Variants in ZNF536 observed in about 807,000 individuals in gnomAD.
ZNF536 encodes the protein zinc finger protein 536.
A neutral mutation model predicts 84.5 loss-of-function variants in ZNF536; 13 were observed. That is an observed-to-expected ratio of 0.15 (90% CI 0.10 to 0.24). The LOEUF is 0.24. Ranked by LOEUF, ZNF536 falls within the 10% of genes least tolerant of loss-of-function variation. The pLI is 1.00. For missense variants in ZNF536, 1,536 were observed against 1,747.5 expected, an observed-to-expected ratio of 0.88 and a Z score of 2.16; for synonymous variants, 811 against 742.5, an observed-to-expected ratio of 1.09 and a Z score of -1.50.
At chr19:30,590,488 T>C (rs2047239667) in intron 1 of ZNF536, among the ~76,000 whole-genome samples, 1 of 152,220 alleles carries the variant, frequency 6.6e-6, no homozygotes, top group African/African-American at 2.4e-5. Context: ...CTTTCCTTTG[T>C]TTGGGGAAAG....
chr19:30,571,162 C>T (rs1230168700), intron 1 of ZNF536, among the ~76,000 whole-genome samples: 1 of 152,030 alleles, frequency 6.6e-6, no homozygotes, highest in East Asian at 1.9e-4. Flanking sequence ...TTAAGAAGCA[C>T]TGTGGGTACT....
At chr19:30,647,830 C>T (rs1600141598) in intron 1 of ZNF536, among the ~76,000 whole-genome samples, 1 of 152,236 alleles carries the variant, frequency 6.6e-6, no homozygotes, top group East Asian at 1.9e-4. Flanking sequence ...TTTGGATGCC[C>T]CCAGCTGTCC....
chr19:30,440,679 G>T (rs538007940), intron 1 of ZNF536, among the ~76,000 whole-genome samples: 1 of 152,298 alleles, frequency 6.6e-6, no homozygotes, highest in South Asian at 2.1e-4. Flanking sequence ...AGGGGCTGGG[G>T]TGTCAGCCTC....
intron 1 of ZNF536, among the ~76,000 whole-genome samples, chr19:30,402,701 C>A (rs946076365): frequency 2.0e-5 from 3 of 150,326 alleles, no homozygotes; most frequent in Non-Finnish European, 3.0e-5. Flanking sequence ...ACTGCCGCCT[C>A]CAGAGCATCT....
intron 1 of ZNF536, among the ~76,000 whole-genome samples, chr19:30,582,756 A>G (rs1476097650): frequency 2.0e-5 from 3 of 152,140 alleles, no homozygotes; most frequent in Non-Finnish European, 4.4e-5. Context: ...AGGGAATGAC[A>G]GCCAAGTGGA....
intron 3 of ZNF536, among the ~76,000 whole-genome samples, chr19:30,535,576 G>C (rs902451001): frequency 2.0e-5 from 3 of 152,086 alleles, no homozygotes; most frequent in African/African-American, 4.8e-5. Context: ...TTAGGCAAAG[G>C]GGGGCAAGTG....
intron 2 of ZNF536, among the ~76,000 whole-genome samples, chr19:30,478,927 C>T (rs2053961358): frequency 6.6e-6 from 1 of 152,184 alleles, no homozygotes; most frequent in South Asian, 2.1e-4. Flanking sequence ...GAAACTCATC[C>T]TTCCGAGGCC....
intron 1 of ZNF536, among the ~76,000 whole-genome samples, chr19:30,675,465 A>C (rs181558490): frequency 2.6e-5 from 4 of 152,316 alleles, no homozygotes; most frequent in Admixed American, 2.6e-4. Flanking sequence ...TCCTACTCTC[A>C]GGGCAACTTT....
At chr19:30,389,360 T>A (rs537856235) in intron 1 of ZNF536, among the ~76,000 whole-genome samples, 25 of 152,126 alleles carry the variant, frequency 1.6e-4, no homozygotes, top group African/African-American at 6.0e-4. Flanking sequence ...CCTTGAAAAA[T>A]CTAGCGACCA....
intron 2 of ZNF536, among the ~76,000 whole-genome samples, chr19:30,342,038 A>G (rs1270889488): frequency 6.6e-6 from 1 of 152,240 alleles, no homozygotes; most frequent in East Asian, 1.9e-4. Context: ...GCCTGGAAAC[A>G]GATTTCAGTT....
intron 1 of ZNF536, among the ~76,000 whole-genome samples, chr19:30,417,155 T>A (rs965972494): frequency 3.4e-5 from 2 of 58,434 alleles, no homozygotes; most frequent in South Asian, 2.3e-3. Flanking sequence ...TGTATTTTTT[T>A]TTTTTTTTTT....
At position 30,445,040 on chromosome 19, in the gene ZNF536, A is replaced by G. The variant is rs2052252702; in HGVS notation, c.1478A>G (p.Asn493Ser). 4.3e-6 allele frequency: 7 copies of G among 1,613,362 alleles called. No homozygotes were observed. The highest frequency in any genetic ancestry group is 3.3e-5 in the Admixed American group (2 of 60,020). ...AAGCACTCCCTCCTGGGATGCCTCAATCTCGTGCCGCCGCTGAAATCCAGC... is the reference window on the plus strand; with the variant it reads ...AAGCACTCCCTCCTGGGATGCCTCAGTCTCGTGCCGCCGCTGAAATCCAGC... ...GDKHSLLGCL[N>S]LVPPLKSSCI... Residue 493 changes from asparagine (N) to serine (S), a missense_variant, in exon 2 of 5, where the codon AAT (asparagine) becomes AGT (serine). Physicochemically the swap from Asn to Ser is conservative, Grantham distance 46. Around this residue, in one of 8 missense-constraint regions of ZNF536, gnomAD observed 366 missense variants for 364.4 expected, o/e 1.00. Coordinates refer to ENST00000355537, the MANE Select transcript of ZNF536 (RefSeq NM_014717.3). This position sits in a 1 kb window ranked among gnomAD's most constrained non-coding sequence, Gnocchi z 4.5.
At chr19:30,509,237 C>T (rs1478209806) in intron 2 of ZNF536, among the ~76,000 whole-genome samples, 1 of 144,268 alleles carries the variant, frequency 6.9e-6, no homozygotes, top group Non-Finnish European at 1.5e-5. Context: ...ATAATGTATA[C>T]AATATGTATA....
intron 1 of ZNF536, among the ~76,000 whole-genome samples, chr19:30,272,613 C>T (rs1176297878): frequency 6.6e-6 from 1 of 152,202 alleles, no homozygotes; most frequent in Non-Finnish European, 1.5e-5. Context: ...GGTCTTTTTC[C>T]TGTCTCCCTT....
chr19:30,375,156 G>C (rs1227082157), intron 1 of ZNF536, among the ~76,000 whole-genome samples: 3 of 150,158 alleles, frequency 2.0e-5, no homozygotes, highest in African/African-American at 7.3e-5. Context: ...GCAGGAACGC[G>C]AGCCCCGCCG....
At chr19:30,237,626 G>A (rs139747125) in intron 1 of ZNF536, among the ~76,000 whole-genome samples, 46 of 152,268 alleles carry the variant, frequency 3.0e-4, no homozygotes, top group African/African-American at 1.1e-3. Flanking sequence ...AGGAAACTTT[G>A]TGTATCTTTT....
intron 1 of ZNF536, among the ~76,000 whole-genome samples, chr19:30,695,920 C>T (rs889424322): frequency 3.3e-5 from 5 of 152,052 alleles, no homozygotes; most frequent in Non-Finnish European, 5.9e-5. Flanking sequence ...TGTGTTTAGC[C>T]CAATGTTCCT....
chr19:30,543,429 C>T (rs1030367252), intron 3 of ZNF536, among the ~76,000 whole-genome samples: 11 of 152,200 alleles, frequency 7.2e-5, no homozygotes, highest in African/African-American at 2.7e-4. Context: ...CTGGGGCTGC[C>T]TGTACCATGG....
chr19:30,396,059 T>G (rs2049802718), intron 1 of ZNF536, among the ~76,000 whole-genome samples: 1 of 152,210 alleles, frequency 6.6e-6, no homozygotes, highest in Non-Finnish European at 1.5e-5. Flanking sequence ...TATCATGACA[T>G]GTATCCACCA....
Sources: gnomAD v4.1 joint callset for allele counts (sites outside exome capture counted in the v4.1 genomes callset) on GRCh38, gnomAD v4.1.1 for gene constraint, gnomAD v4.1.1 regional missense constraint, Gnocchi (gnomAD v3.1) non-coding constraint, MANE v1.5 for transcripts, NCBI Gene and HGNC (gene_info 2026-07-23, HGNC 2026-07-21) for gene names.